IMMP2L: variants seen among roughly 807,000 people sequenced by gnomAD.
The protein encoded by IMMP2L is mitochondrial inner membrane protease subunit 2.
A neutral mutation model predicts 19.3 loss-of-function variants in IMMP2L; 18 were observed. That is an observed-to-expected ratio of 0.93 (90% CI 0.64 to 1.38). The LOEUF is 1.38. Ranked by LOEUF, IMMP2L falls within the 40% of genes most tolerant of loss-of-function variation. The pLI, the probability that IMMP2L is intolerant of heterozygous loss-of-function variation, is 0.00. For synonymous variants in IMMP2L, 76 were observed against 73.0 expected, an observed-to-expected ratio of 1.04 and a Z score of -0.21; for missense variants, 233 against 218.2, an observed-to-expected ratio of 1.07 and a Z score of -0.43.
chr7:111,447,721 T>G (rs559875269), intron 3 of IMMP2L, among the ~76,000 whole-genome samples: 1 of 151,394 alleles, frequency 6.6e-6, no homozygotes, highest in Non-Finnish European at 1.5e-5. Context: ...TAACTTTAAA[T>G]GTAAATGGAC....
At chr7:111,076,312 G>C (rs1411079621) in intron 3 of IMMP2L, among the ~76,000 whole-genome samples, 1 of 152,208 alleles carries the variant, frequency 6.6e-6, no homozygotes, top group Non-Finnish European at 1.5e-5. Context: ...AAGCACTGAA[G>C]ATCTGATATC....
chr7:111,459,981 T>C (rs549264824), intron 3 of IMMP2L, among the ~76,000 whole-genome samples: 46 of 152,254 alleles, frequency 3.0e-4, no homozygotes, highest in African/African-American at 1.1e-3. Flanking sequence ...TAGATTTCAA[T>C]GAAAGAAAAA....
chr7:110,864,977 T>C (rs1807832728), intron 5 of IMMP2L, among the ~76,000 whole-genome samples: 1 of 152,020 alleles, frequency 6.6e-6, no homozygotes, highest in Admixed American at 6.6e-5. Flanking sequence ...TAGATATTTA[T>C]CTAAATATCT....
intron 3 of IMMP2L, among the ~76,000 whole-genome samples, chr7:111,268,579 T>C (rs1455841440): frequency 3.6e-5 from 1 of 27,544 alleles, no homozygotes; most frequent in African/African-American, 1.2e-4. Context: ...CTTTTTTTTT[T>C]TTTTTTTTTT....
At chr7:111,020,623 G>T (rs961270567) in intron 3 of IMMP2L, among the ~76,000 whole-genome samples, 1 of 152,000 alleles carries the variant, frequency 6.6e-6, no homozygotes, top group Non-Finnish European at 1.5e-5. Flanking sequence ...TTAGCAGGGT[G>T]TGGTAGCATG....
intron 5 of IMMP2L, among the ~76,000 whole-genome samples, chr7:110,681,968 A>C (rs1308846573): frequency 1.3e-5 from 2 of 152,208 alleles, no homozygotes; most frequent in African/African-American, 4.8e-5. Context: ...TTGCTGACAA[A>C]AGATATAATC....
chr7:110,860,024 A>T (rs1001037192), intron 5 of IMMP2L, among the ~76,000 whole-genome samples: 2 of 152,096 alleles, frequency 1.3e-5, no homozygotes, highest in African/African-American at 4.8e-5. Flanking sequence ...CCAACCTGTC[A>T]CATGTGTCAT....
intron 1 of IMMP2L, among the ~76,000 whole-genome samples, chr7:111,524,620 T>A (rs1017290457): frequency 1.3e-5 from 2 of 152,092 alleles, no homozygotes; most frequent in Non-Finnish European, 2.9e-5. Flanking sequence ...ATACTGATAT[T>A]TGGGTGTTTA....
chr7:111,226,111 C>T (rs1300841095), intron 3 of IMMP2L, among the ~76,000 whole-genome samples: 1 of 151,948 alleles, frequency 6.6e-6, no homozygotes, highest in East Asian at 1.9e-4. Context: ...TTCCCCATTC[C>T]CTTTTTTTCC....
intron 3 of IMMP2L, among the ~76,000 whole-genome samples, chr7:111,182,580 A>G (rs1807825408): frequency 6.6e-6 from 1 of 151,944 alleles, no homozygotes; most frequent in South Asian, 2.1e-4. Context: ...AATGAGAATT[A>G]GAAAAGAGAG....
chr7:111,493,855 C>T (rs1335510235), intron 2 of IMMP2L, among the ~76,000 whole-genome samples: 1 of 151,412 alleles, frequency 6.6e-6, no homozygotes, highest in Non-Finnish European at 1.5e-5. Flanking sequence ...AAAAAATTAG[C>T]CGGGTGTAGT....
chr7:111,559,448 GCTTTTTAAACACATTATAGAAATT>G (rs921829746), intron 1 of IMMP2L, among the ~76,000 whole-genome samples: 4 of 152,040 alleles, frequency 2.6e-5, no homozygotes, highest in African/African-American at 9.7e-5. Context: ...TAGTGTCAGG[GCTTTTTAAACACATTATAGAAATT>G]CTTTCCCTTC....
intron 4 of IMMP2L, among the ~76,000 whole-genome samples, chr7:110,901,826 C>T (rs1811895168): frequency 6.6e-6 from 1 of 151,988 alleles, no homozygotes; most frequent in Non-Finnish European, 1.5e-5. Context: ...GGCTTAGATT[C>T]TGATTACAAA....
chr7:111,037,272 G>C (rs887254223), intron 3 of IMMP2L, among the ~76,000 whole-genome samples: 2 of 152,040 alleles, frequency 1.3e-5, no homozygotes, highest in African/African-American at 4.8e-5. Flanking sequence ...GAGGTCTAAA[G>C]GTTTTCAAGG....
intron 3 of IMMP2L, among the ~76,000 whole-genome samples, chr7:110,996,591 C>G (rs1823052092): frequency 6.6e-6 from 1 of 152,050 alleles, no homozygotes; most frequent in Non-Finnish European, 1.5e-5. Flanking sequence ...TGAAAGAGAA[C>G]CAGATTAGCA....
intron 5 of IMMP2L, among the ~76,000 whole-genome samples, chr7:110,719,448 T>C (rs1001249438): frequency 2.0e-5 from 3 of 152,202 alleles, no homozygotes; most frequent in African/African-American, 7.2e-5. Context: ...GGATTTTTTT[T>C]TAACAGGTAA....
At chr7:110,871,584 T>C (rs960932299) in intron 5 of IMMP2L, among the ~76,000 whole-genome samples, 5 of 152,078 alleles carry the variant, frequency 3.3e-5, no homozygotes, top group African/African-American at 1.2e-4. Context: ...AACATGAACG[T>C]GATGCTGACA....
At chr7:111,092,620 C>T (rs1205033702) in intron 3 of IMMP2L, among the ~76,000 whole-genome samples, 1 of 152,076 alleles carries the variant, frequency 6.6e-6, no homozygotes, top group Non-Finnish European at 1.5e-5. Context: ...AGAAGCAATG[C>T]CTTTGAGACA....
At chr7:110,935,003 G>T (rs1440684304) in intron 4 of IMMP2L, among the ~76,000 whole-genome samples, 2 of 152,126 alleles carry the variant, frequency 1.3e-5, no homozygotes, top group Non-Finnish European at 2.9e-5. Flanking sequence ...TACATTTAAG[G>T]TTAATATTTT....
Sources: gnomAD v4.1 joint callset for allele counts (sites outside exome capture counted in the v4.1 genomes callset) on GRCh38, gnomAD v4.1.1 for gene constraint, MANE v1.5 for transcripts, NCBI Gene and HGNC (gene_info 2026-07-23, HGNC 2026-07-21) for gene names.